DMD: variants seen among roughly 807,000 people sequenced by gnomAD.
DMD encodes dystrophin.
Under a neutral mutation model 330.1 loss-of-function variants are expected in DMD, and 63 were observed. The observed-to-expected ratio is 0.19, with a 90% confidence interval of 0.16 to 0.24. The LOEUF (loss-of-function observed/expected upper bound fraction) is 0.24. Ranked by LOEUF, DMD falls within the 10% of genes least tolerant of loss-of-function variation. The pLI, the probability that DMD is intolerant of heterozygous loss-of-function variation, is 1.00. For missense variants in DMD, 3,344 were observed against 2,684.1 expected (o/e 1.25, Z -5.43); for synonymous variants, 1,223 against 959.8 (o/e 1.27, Z -5.07).
At chrX:32,876,351 C>A (rs768008626) in intron 2 of DMD, among the ~76,000 whole-genome samples, 1 of 111,961 alleles carries the variant, frequency 8.9e-6, no homozygotes, top group East Asian at 2.8e-4. Flanking sequence ...GACAGTTATC[C>A]AATTTAGTCT....
chrX:32,392,817 T>A (rs932257254), intron 30 of DMD, among the ~76,000 whole-genome samples: 1 of 112,542 alleles, frequency 8.9e-6, no homozygotes, highest in Non-Finnish European at 1.9e-5. Flanking sequence ...ATCCAACATA[T>A]TATGCTCTGA....
chrX:31,284,863 C>CAT (rs1491368876), intron 62 of DMD, among the ~76,000 whole-genome samples: 1 of 100,485 alleles, frequency 1.0e-5, no homozygotes, highest in Non-Finnish European at 2.0e-5. Flanking sequence ...CACACACACA[C>CAT]CCACACCCAC....
At chrX:32,719,119 G>T (rs978624391) in intron 7 of DMD, among the ~76,000 whole-genome samples, 2 of 111,725 alleles carry the variant, frequency 1.8e-5, no homozygotes, top group African/African-American at 6.5e-5. Context: ...GAAATACTAT[G>T]AATCACCCAT....
At chrX:32,207,646 C>T (rs1488722718) in intron 44 of DMD, among the ~76,000 whole-genome samples, 1 of 111,926 alleles carries the variant, frequency 8.9e-6, no homozygotes, top group Non-Finnish European at 1.9e-5. Context: ...CGTTAAATTG[C>T]CCTGACCATT....
At chrX:32,321,982 G>C (rs2097618661) in intron 41 of DMD, among the ~76,000 whole-genome samples, 1 of 111,150 alleles carries the variant, frequency 9.0e-6, no homozygotes, top group Non-Finnish European at 1.9e-5. Flanking sequence ...AGACAACTTA[G>C]AAAAGAGAAT....
chrX:32,342,363 A>G, intron 40 of DMD, 81 bp from the exon 41 acceptor site: 1 of 1,033,575 alleles, frequency 9.7e-7, no homozygotes, highest in South Asian at 2.0e-5. Flanking sequence ...TACTTCTCTC[A>G]AAATTTCAAA....
intron 4 of DMD, among the ~76,000 whole-genome samples, chrX:32,836,452 CTCCT>C (rs1429428013): frequency 1.2e-4 from 13 of 111,533 alleles, no homozygotes; most frequent in African/African-American, 4.2e-4. Flanking sequence ...GTTTTTCTCC[CTCCT>C]TGTCTGGATC....
At chrX:32,628,258 ATTTTTTTTTTTTTTTTTT>A (rs1170760390) in intron 11 of DMD, among the ~76,000 whole-genome samples, 45 of 15,352 alleles carry the variant, frequency 2.9e-3, no homozygotes, top group Admixed American at 4.9e-3. Context: ...AGTTGTTTTA[ATTTTTTTTTTTTTTTTTT>A]TTTTTTTTTT....
At chrX:32,374,337 T>C (rs765347380) in intron 34 of DMD, among the ~76,000 whole-genome samples, 9 of 111,912 alleles carry the variant, frequency 8.0e-5, no homozygotes, top group Non-Finnish European at 1.5e-4. Context: ...TTTGTTTTTG[T>C]TGCATTTGTC....
intron 43 of DMD, among the ~76,000 whole-genome samples, chrX:32,270,681 C>T (rs1033266251): frequency 1.8e-5 from 2 of 111,539 alleles, no homozygotes; most frequent in Non-Finnish European, 3.8e-5. Flanking sequence ...TTTCTGCTTA[C>T]CCTTCTGAGA....
intron 7 of DMD, among the ~76,000 whole-genome samples, chrX:32,747,599 C>A (rs558506026): frequency 4.5e-5 from 5 of 112,182 alleles, no homozygotes; most frequent in African/African-American, 1.6e-4. Flanking sequence ...CTGATCCTCC[C>A]GCCTCAGCGT....
chrX:31,356,340 ACTC>A (rs908134895), intron 60 of DMD, among the ~76,000 whole-genome samples: 24 of 108,348 alleles, frequency 2.2e-4, no homozygotes, highest in African/African-American at 7.8e-4. Flanking sequence ...TCTTAATCTG[ACTC>A]CTTTTTTTAT....
intron 52 of DMD, among the ~76,000 whole-genome samples, chrX:31,715,292 C>A (rs1055406632): frequency 4.6e-5 from 5 of 108,985 alleles, no homozygotes; most frequent in African/African-American, 1.7e-4. Context: ...CGCCTGTAAT[C>A]CCAGCACTTT....
intron 59 of DMD, among the ~76,000 whole-genome samples, chrX:31,449,787 T>TAGATAGATAGATAGATAG (rs35306515): frequency 1.1e-5 from 1 of 89,690 alleles, no homozygotes; most frequent in African/African-American, 4.4e-5. Context: ...TATATATATA[T>TAGATAGATAGATAGATAG]ATATATATAT....
At chrX:32,950,992 T>C (rs1393173507) in intron 2 of DMD, among the ~76,000 whole-genome samples, 1 of 111,532 alleles carries the variant, frequency 9.0e-6, no homozygotes, top group East Asian at 2.8e-4. Flanking sequence ...CTCCTAAAGT[T>C]ACCTTCTAGC....
At chrX:31,901,638 T>C (rs1453783640) in intron 47 of DMD, among the ~76,000 whole-genome samples, 1 of 111,945 alleles carries the variant, frequency 8.9e-6, no homozygotes, top group Admixed American at 9.5e-5. Context: ...TTCTATTCTT[T>C]ATTTAGAAAC....
In DMD at chrX:31,479,118, G is replaced by A. The variant is rs752290681; in HGVS notation, c.8548-15C>T. 28 of 1,210,147 alleles carry A rather than the reference G, an allele frequency of 2.3e-5. No individual in the cohort carries two copies. The highest frequency in any genetic ancestry group is 3.1e-5 in the Non-Finnish European group (28 of 894,332). Reference sequence around the variant, plus strand: ...CTCTTGAAGGCCTGTGAAATGAGATGAAAAGAAGTGCTTATTTGGCTTGTG... The same window carrying A: ...CTCTTGAAGGCCTGTGAAATGAGATAAAAAGAAGTGCTTATTTGGCTTGTG... On this transcript the variant is annotated splice_polypyrimidine_tract_variant and intron_variant, in intron 57 of 78. Transcript: ENST00000357033.
chrX:32,645,994 A>C (rs1026252053), intron 9 of DMD, among the ~76,000 whole-genome samples: 31 of 111,683 alleles, frequency 2.8e-4, no homozygotes, highest in African/African-American at 9.4e-4. Context: ...TATCTAGCTT[A>C]AAGGTGTGTA....
intron 44 of DMD, among the ~76,000 whole-genome samples, chrX:31,974,677 C>T (rs369467597): frequency 1.1e-4 from 12 of 110,072 alleles, no homozygotes; most frequent in African/African-American, 4.0e-4. Flanking sequence ...TAGATATGCT[C>T]TTGGTACAAT....
Sources: allele counts gnomAD v4.1 joint callset (sites outside exome capture counted in the v4.1 genomes callset), GRCh38; gene constraint gnomAD v4.1.1; transcripts MANE v1.5; gene names NCBI Gene and HGNC (gene_info 2026-07-23, HGNC 2026-07-21).